The following FRMD4B variants were observed in gnomAD, a reference collection of about 807,000 sequenced individuals.
The protein encoded by FRMD4B is FERM domain containing 4B.
Under a neutral mutation model 141.5 loss-of-function variants are expected in FRMD4B, and 74 were observed. The observed-to-expected ratio is 0.52, with a 90% CI of 0.43 to 0.63. FRMD4B has a LOEUF of 0.63. FRMD4B is among the 30% of genes least tolerant of loss of function. The pLI is 0.00. For synonymous variants in FRMD4B, 506 were observed against 467.9 expected (o/e 1.08, Z -1.05); for missense variants, 1,366 against 1,253.4 (o/e 1.09, Z -1.36).
intron 7 of FRMD4B, among the ~76,000 whole-genome samples, chr3:69,242,922 T>C (rs907102084): frequency 1.1e-4 from 15 of 142,622 alleles, no homozygotes; most frequent in African/African-American, 3.9e-4. Flanking sequence ...TGAACCCGGA[T>C]AGCAGAGGGT....
intron 1 of FRMD4B, among the ~76,000 whole-genome samples, chr3:69,341,358 A>G (rs1702732559): frequency 6.6e-6 from 1 of 152,236 alleles, no homozygotes; most frequent in South Asian, 2.1e-4. Context: ...AATTACTTTC[A>G]GGTCCCACTA....
chr3:69,280,973 C>T (rs372137964), intron 5 of FRMD4B, among the ~76,000 whole-genome samples: 1 of 151,556 alleles, frequency 6.6e-6, no homozygotes, highest in East Asian at 2.0e-4. Flanking sequence ...TCTTGTTGCC[C>T]ATGCTGGAGT....
chr3:69,442,427 G>A (rs796435758), intron 1 of FRMD4B, among the ~76,000 whole-genome samples: 6 of 152,148 alleles, frequency 3.9e-5, no homozygotes, highest in African/African-American at 1.2e-4. Flanking sequence ...AAGTGAATCT[G>A]AGTTTGTTAA....
chr3:69,420,227 G>A (rs920208658), intron 2 of FRMD4B, among the ~76,000 whole-genome samples: 13 of 148,276 alleles, frequency 8.8e-5, no homozygotes, highest in Admixed American at 4.8e-4. Flanking sequence ...GAAGGGGCGT[G>A]GCTTGATTAA....
chr3:69,471,573 T>G (rs577730046), intron 1 of FRMD4B: 1 of 232,566 alleles, frequency 4.3e-6, no homozygotes, highest in South Asian at 8.4e-5. Context: ...ATCTCAAACT[T>G]AATTGTTCAT....
At chr3:69,520,459 T>C (rs2107128442) in intron 1 of FRMD4B, among the ~76,000 whole-genome samples, 1 of 150,204 alleles carries the variant, frequency 6.7e-6, no homozygotes, top group Non-Finnish European at 1.5e-5. Context: ...ATTTGGGGTG[T>C]ATACCAGATA....
At chr3:69,515,795 T>C (rs1161992802) in intron 1 of FRMD4B, among the ~76,000 whole-genome samples, 1 of 152,138 alleles carries the variant, frequency 6.6e-6, no homozygotes, top group African/African-American at 2.4e-5. Flanking sequence ...AAATGGAAAA[T>C]ATAACGCCGA....
chr3:69,223,296 A>T (rs1286285427), intron 8 of FRMD4B, among the ~76,000 whole-genome samples: 1 of 152,118 alleles, frequency 6.6e-6, no homozygotes, highest in Non-Finnish European at 1.5e-5. Context: ...CAGGCGGATC[A>T]CGAGGTCAGG....
chr3:69,197,375 G>A (rs2092918918), intron 12 of FRMD4B, among the ~76,000 whole-genome samples: 1 of 152,106 alleles, frequency 6.6e-6, no homozygotes, highest in Non-Finnish European at 1.5e-5. Context: ...GAATAAATGG[G>A]ATAAGATTTT....
At chr3:69,505,434 T>G (rs979413881) in intron 1 of FRMD4B, among the ~76,000 whole-genome samples, 1 of 152,134 alleles carries the variant, frequency 6.6e-6, no homozygotes, top group African/African-American at 2.4e-5. Context: ...TATTTACTTG[T>G]ATCATTCTTT....
intron 1 of FRMD4B, among the ~76,000 whole-genome samples, chr3:69,498,701 G>T (rs148704114): frequency 8.9e-4 from 135 of 152,206 alleles, no homozygotes; most frequent in Admixed American, 1.5e-3. Context: ...TAAACACTTA[G>T]CAGACACTTA....
intron 3 of FRMD4B, among the ~76,000 whole-genome samples, chr3:69,304,986 A>T (rs368916373): frequency 4.6e-5 from 7 of 152,330 alleles, no homozygotes; most frequent in African/African-American, 1.4e-4. Flanking sequence ...AGTAATAATA[A>T]CAATAGCTAG....
At chr3:69,512,374 G>C (rs1354845655) in intron 1 of FRMD4B, among the ~76,000 whole-genome samples, 1 of 152,138 alleles carries the variant, frequency 6.6e-6, no homozygotes, top group African/African-American at 2.4e-5. Context: ...GGTTAATGTA[G>C]CACTTTTGGT....
intron 2 of FRMD4B, among the ~76,000 whole-genome samples, chr3:69,415,455 CG>C (rs1468256404): frequency 6.6e-6 from 1 of 152,092 alleles, no homozygotes; most frequent in Non-Finnish European, 1.5e-5. Context: ...CCTTGTCCTA[CG>C]CCCCCTCTTC....
chr3:69,205,059 CAAAA>C (rs33955997), intron 11 of FRMD4B, among the ~76,000 whole-genome samples: 1 of 124,438 alleles, frequency 8.0e-6, no homozygotes, highest in African/African-American at 3.2e-5. Context: ...ATGTTTTTAA[CAAAA>C]AAAAAAAAAA....
chr3:69,472,385 C>A, intron 1 of FRMD4B: 1 of 493,208 alleles, frequency 2.0e-6, no homozygotes, highest in South Asian at 1.5e-5. Flanking sequence ...CACCCTCATT[C>A]TTAATATCTT....
intron 8 of FRMD4B, 69 bp downstream of exon 8, chr3:69,224,537 GC>G (rs1421497925): frequency 1.3e-6 from 1 of 741,142 alleles, no homozygotes; most frequent in Non-Finnish European, 2.4e-6. Context: ...TTCTTTTAAT[GC>G]CCTGAAAAGC....
chr3:69,359,959 G>A (rs1245237123), intron 1 of FRMD4B, among the ~76,000 whole-genome samples: 1 of 152,192 alleles, frequency 6.6e-6, no homozygotes, highest in Non-Finnish European at 1.5e-5. Context: ...AACAGGATTT[G>A]AACCCAGGGC....
intron 1 of FRMD4B, among the ~76,000 whole-genome samples, chr3:69,329,161 A>G (rs67784411): frequency 0.068 from 10,295 of 152,162 alleles, 1,073 homozygotes; most frequent in East Asian, 0.54. Flanking sequence ...AGACCACGTG[A>G]TAAAGATGAA....
Sources: gnomAD v4.1 joint callset for allele counts (sites outside exome capture counted in the v4.1 genomes callset) on GRCh38, gnomAD v4.1.1 for gene constraint, MANE v1.5 for transcripts, NCBI Gene and HGNC (gene_info 2026-07-23, HGNC 2026-07-21) for gene names.